Variants in MAST4 observed in about 807,000 individuals in gnomAD.
MAST4 encodes the protein microtubule-associated serine/threonine-protein kinase 4.
A neutral mutation model predicts 162.7 loss-of-function variants in MAST4; 89 were observed. That is an observed-to-expected ratio of 0.55 (90% CI 0.46 to 0.65). The LOEUF (loss-of-function observed/expected upper bound fraction) is 0.65, where lower values mean the gene tolerates loss of function less well. Among genes scored for constraint, MAST4 ranks in the 30% least tolerant of loss-of-function variants. MAST4 has a pLI of 0.00. For missense variants in MAST4, 3,153 were observed against 3,374.0 expected (o/e 0.93, Z 1.62); for synonymous variants, 1,479 against 1,361.1 (o/e 1.09, Z -1.91).
intron 3 of MAST4, among the ~76,000 whole-genome samples, chr5:66,793,752 T>C (rs982950021): frequency 6.6e-6 from 1 of 152,230 alleles, no homozygotes; most frequent in African/African-American, 2.4e-5. Flanking sequence ...GAAGGTTTCA[T>C]TCACATTCTT....
At chr5:66,713,180 T>C (rs1384769990) in intron 1 of MAST4, among the ~76,000 whole-genome samples, 1 of 152,232 alleles carries the variant, frequency 6.6e-6, no homozygotes, top group Non-Finnish European at 1.5e-5. Flanking sequence ...ATCTTGTTTG[T>C]ATGGGTAATG....
At chr5:66,746,468 T>G (rs748022291) in intron 1 of MAST4, among the ~76,000 whole-genome samples, 2 of 152,210 alleles carry the variant, frequency 1.3e-5, no homozygotes, top group Non-Finnish European at 2.9e-5. Context: ...AGGATTTATC[T>G]TTCTGAATCC....
At chr5:67,156,083 C>T (rs940098521) in intron 26 of MAST4, among the ~76,000 whole-genome samples, 4 of 149,428 alleles carry the variant, frequency 2.7e-5, no homozygotes, top group African/African-American at 7.4e-5. Context: ...AAAAAAGACA[C>T]GTAAGGATAA....
At chr5:66,965,224 G>GTT (rs1561485927) in intron 4 of MAST4, among the ~76,000 whole-genome samples, 1 of 72,410 alleles carries the variant, frequency 1.4e-5, no homozygotes, top group African/African-American at 5.5e-5. Context: ...TTTTTTTTTT[G>GTT]CTTTTTTTTT....
In MAST4 at chr5:67,119,901, G is replaced by T. The variant is rs146901523; in HGVS notation, c.1660-1116G>T. On this transcript the variant is annotated intron_variant, in intron 13 of 28. Coordinates refer to ENST00000403625, the MANE Select transcript of MAST4 (RefSeq NM_001164664.2). ...CCTTGCAGCCCAAACCCATGAAAGA[G>T]CAGTAATAGTGAGTGAATTACCTTC... is the stretch of plus-strand genomic sequence containing the variant. Among the ~76,000 whole-genome samples, 4 of 152,156 alleles carry T rather than the reference G, an allele frequency of 2.6e-5. No homozygotes were observed. The East Asian group carries it at 7.7e-4, about 29-fold the overall frequency.
intron 1 of MAST4, among the ~76,000 whole-genome samples, chr5:66,677,289 A>G (rs1391085522): frequency 6.6e-6 from 1 of 152,178 alleles, no homozygotes; most frequent in Non-Finnish European, 1.5e-5. Context: ...AGGATCCCCA[A>G]GTTACAACGG....
chr5:66,780,328 T>G (rs1015523205), intron 2 of MAST4, among the ~76,000 whole-genome samples: 4 of 152,312 alleles, frequency 2.6e-5, no homozygotes, highest in Admixed American at 2.6e-4. Context: ...TGTCCAGAAT[T>G]GGTTCCTTCT....
At chr5:66,766,372 T>C (rs1237579564) in intron 2 of MAST4, among the ~76,000 whole-genome samples, 1 of 152,202 alleles carries the variant, frequency 6.6e-6, no homozygotes, top group Non-Finnish European at 1.5e-5. Context: ...AGAAATCAGC[T>C]TTGCAGACAA....
Position 67,164,898 on chromosome 5 carries a change from G to T in MAST4, c.5719G>T (p.Ala1907Ser), listed in dbSNP as rs775610718. The change falls in exon 29 of 29, where the codon GCC becomes TCC. Residue 1907 changes from alanine to serine, a missense_variant. By Grantham distance (99) the Ala-to-Ser change is moderately conservative. Coordinates refer to ENST00000403625, the MANE Select transcript of MAST4 (RefSeq NM_001164664.2). This position sits in a 1 kb window ranked among gnomAD's most constrained non-coding sequence, Gnocchi z 5.3. ...GGACAGGAAAGGTCCCCATCCTACT[G>T]CCAGGAGCCCTGGAACAGTCATGGA... ...KRDRKGPHPT[A>S]RSPGTVMESN... The T allele has an allele frequency of 2.9e-5, 47 of 1,613,990 alleles. No individual in the cohort carries two copies. Among genetic ancestry groups the T allele is most frequent in the Non-Finnish European group, 3.9e-5 (46 of 1,179,892 alleles).
intron 3 of MAST4, among the ~76,000 whole-genome samples, chr5:66,895,882 A>G (rs534986377): frequency 1.3e-4 from 20 of 152,292 alleles, no homozygotes; most frequent in Non-Finnish European, 2.6e-4. Context: ...AACATTTACA[A>G]TACAGCTCAG....
intron 6 of MAST4, among the ~76,000 whole-genome samples, chr5:67,091,026 C>T (rs1294566397): frequency 6.6e-6 from 1 of 151,616 alleles, no homozygotes; most frequent in African/African-American, 2.4e-5. Flanking sequence ...AGGATAAACT[C>T]GGTTTATGGT....
chr5:66,718,757 C>T (rs993702372), intron 1 of MAST4, among the ~76,000 whole-genome samples: 1 of 152,204 alleles, frequency 6.6e-6, no homozygotes, highest in Non-Finnish European at 1.5e-5. Context: ...CTTGAATCTT[C>T]TTCCTCTTTT....
chr5:66,661,174 C>T (rs1746885581), intron 1 of MAST4, among the ~76,000 whole-genome samples: 1 of 152,158 alleles, frequency 6.6e-6, no homozygotes, highest in Non-Finnish European at 1.5e-5. Context: ...TCTATATTCT[C>T]AATGAAGGAA....
chr5:66,663,644 G>A (rs7728353), intron 1 of MAST4, among the ~76,000 whole-genome samples: 77,517 of 151,900 alleles, frequency 0.51, 20,231 homozygotes, highest in South Asian at 0.66. Context: ...ACTTGTTCAA[G>A]GAACAGCAGT....
At chr5:67,009,736 G>A (rs991757951) in intron 4 of MAST4, among the ~76,000 whole-genome samples, 2 of 152,142 alleles carry the variant, frequency 1.3e-5, no homozygotes, top group Non-Finnish European at 2.9e-5. Context: ...ATATGAGGGA[G>A]TTTGGTTTTG....
intron 5 of MAST4, among the ~76,000 whole-genome samples, chr5:67,087,659 G>A (rs749496797): frequency 4.6e-5 from 7 of 152,168 alleles, no homozygotes; most frequent in Non-Finnish European, 7.3e-5. Context: ...AGTTGCTCTA[G>A]CCCACATCAC....
intron 3 of MAST4, among the ~76,000 whole-genome samples, chr5:66,816,147 G>A (rs994989627): frequency 3.3e-5 from 5 of 152,070 alleles, no homozygotes; most frequent in African/African-American, 4.8e-5. Context: ...TGTCTAACCC[G>A]CAGCCCAGGA....
At chr5:67,008,160 A>G (rs1467336067) in intron 4 of MAST4, among the ~76,000 whole-genome samples, 1 of 152,176 alleles carries the variant, frequency 6.6e-6, no homozygotes, top group Non-Finnish European at 1.5e-5. Flanking sequence ...TAGTCTCAGT[A>G]CAGCCATTCA....
chr5:66,826,492 G>A (rs1173777747), intron 3 of MAST4, among the ~76,000 whole-genome samples: 1 of 152,072 alleles, frequency 6.6e-6, no homozygotes, highest in Admixed American at 6.6e-5. Flanking sequence ...CTTCCAACTA[G>A]CTTACACGAT....
Sources: allele counts gnomAD v4.1 joint callset (sites outside exome capture counted in the v4.1 genomes callset), GRCh38; gene constraint gnomAD v4.1.1; non-coding constraint Gnocchi (gnomAD v3.1); transcripts MANE v1.5; gene names NCBI Gene and HGNC (gene_info 2026-07-23, HGNC 2026-07-21).